The following MMAB variants were observed in gnomAD, a reference collection of about 807,000 sequenced individuals.
MMAB encodes the protein metabolism of cobalamin associated B.
A neutral mutation model predicts 30.6 loss-of-function variants in MMAB; 17 were observed. The observed-to-expected ratio is 0.56, with a 90% CI of 0.38 to 0.83. The LOEUF (loss-of-function observed/expected upper bound fraction) is 0.83. Ranked by LOEUF, MMAB falls within the 40% of genes least tolerant of loss-of-function variation. The pLI is 0.00. For missense variants in MMAB, 311 were observed against 331.6 expected (o/e 0.94, Z 0.48); for synonymous variants, 134 against 138.6 (o/e 0.97, Z 0.23).
chr12:109,567,096 G>A, intron 3 of MMAB: 1 of 449,410 alleles, frequency 2.2e-6, no homozygotes, highest in Non-Finnish European at 4.5e-6. Context: ...CTTGAACCCG[G>A]GAGGCAGAGG....
At chr12:109,571,981 G>A (rs1040971377) in intron 1 of MMAB, among the ~76,000 whole-genome samples, 5 of 152,186 alleles carry the variant, frequency 3.3e-5, no homozygotes. Context: ...ATTTGCTGAA[G>A]GACTTGATTG....
chr12:109,572,553 A>C (rs1884684638), intron 1 of MMAB, among the ~76,000 whole-genome samples: 1 of 151,082 alleles, frequency 6.6e-6, no homozygotes, highest in Admixed American at 6.6e-5. Flanking sequence ...TATCTGGCCT[A>C]TGATTATTTT....
rs1232769657 is a variant in MMAB at position 109,559,134 on chromosome 12, C to T, written c.606G>A (p.Met202Ile). The T allele has an allele frequency of 6.2e-7, 1 of 1,613,880 alleles. No homozygotes were observed. Among genetic ancestry groups the T allele is most frequent in the Admixed American group, 1.7e-5 (1 of 60,022 alleles). Residue 202 changes from methionine (M) to isoleucine (I), a missense_variant, in exon 8 of 9, where the codon ATG becomes ATA. By Grantham distance (10) the Met-to-Ile change is conservative. Coordinates refer to ENST00000545712, the MANE Select transcript of MMAB (RefSeq NM_052845.4). ...TGGCCACGTTCGCATCGGTCTCTCC[C>T]ATCTGGACAAGAGGCACCACACTAG... The part of the protein sequence containing the change: ...AERRVVPLVQ[M>I]GETDANVAKF...
At chr12:109,562,785 A>C (rs1245663211) in intron 4 of MMAB, among the ~76,000 whole-genome samples, 2 of 152,180 alleles carry the variant, frequency 1.3e-5, no homozygotes, top group Non-Finnish European at 2.9e-5. Context: ...TGGCTGGGTG[A>C]GGCCTGTGCT....
intron 4 of MMAB, among the ~76,000 whole-genome samples, chr12:109,564,379 GTTTTTTTTTTTT>G (rs869192707): frequency 7.9e-6 from 1 of 126,756 alleles, no homozygotes; most frequent in Non-Finnish European, 1.7e-5. Context: ...GGAGACAGAG[GTTTTTTTTTTTT>G]TTTTTTTTTA....
intron 4 of MMAB, among the ~76,000 whole-genome samples, chr12:109,564,384 T>G (rs1566134350): frequency 6.6e-6 from 1 of 150,792 alleles, no homozygotes; most frequent in Non-Finnish European, 1.5e-5. Flanking sequence ...CAGAGGTTTT[T>G]TTTTTTTTTT....
intron 3 of MMAB, among the ~76,000 whole-genome samples, chr12:109,566,575 C>G (rs1312899454): frequency 6.6e-6 from 1 of 152,214 alleles, no homozygotes; most frequent in African/African-American, 2.4e-5. Flanking sequence ...CAGGCCCCAC[C>G]CTGGGCACTT....
chr12:109,565,919 C>T (rs946386110), intron 3 of MMAB, among the ~76,000 whole-genome samples: 1 of 152,192 alleles, frequency 6.6e-6, no homozygotes, highest in African/African-American at 2.4e-5. Flanking sequence ...CACTTCCCTC[C>T]TGCACCAGTC....
In MMAB at chr12:109,561,610, C is replaced by T. The variant is rs1884209592; in HGVS notation, c.422-93G>A. Reference sequence around the variant, plus strand: ...CCCCGCCGCCCTTCCACCTGGGTGTCCCGCAGACTGCTTCCACTGGCTCAG... The same window carrying T: ...CCCCGCCGCCCTTCCACCTGGGTGTTCCGCAGACTGCTTCCACTGGCTCAG... On this transcript the variant is annotated intron_variant, in intron 5 of 8. Transcript: ENST00000545712. This position sits in a 1 kb window ranked among gnomAD's most constrained non-coding sequence, Gnocchi z 5.3. The T allele has an allele frequency of 7.9e-7, 1 of 1,268,494 alleles. No individual in the cohort carries two copies. Among genetic ancestry groups the T allele is most frequent in the Non-Finnish European group, 1.1e-6 (1 of 899,130 alleles). 78.6% of individuals were successfully genotyped at this position (1,268,494 alleles called of 1,614,324 possible).
rs746296671 is a variant in MMAB at position 109,554,581 on chromosome 12, T to C, written c.*2447A>G. On this transcript the variant is annotated 3_prime_UTR_variant, in exon 9 of 9. Transcript: ENST00000545712. ...TTCAAAACCCCGTGTTCCCGTGCAA[T>C]GGGACTGATTGTTTCTGAGAGTTGC... is the stretch of plus-strand genomic sequence containing the variant. 6.6e-6 allele frequency: 3 copies of C among 454,128 alleles called. No homozygotes were observed. Among genetic ancestry groups the C allele is most frequent in the East Asian group, 6.9e-5 (1 of 14,398 alleles). 28.1% of individuals were successfully genotyped at this position (454,128 alleles called of 1,614,324 possible).
At chr12:109,560,974 C>CT in intron 7 of MMAB, 66 bp downstream of exon 7, 2 of 522,070 alleles carry the variant, frequency 3.8e-6, no homozygotes. Flanking sequence ...TCTCCCTCTC[C>CT]CTCCCCCCTC....
chr12:109,556,367 C>CA lies in MMAB; in HGVS notation c.*660dup. On this transcript the variant is annotated 3_prime_UTR_variant, in exon 9 of 9. Transcript: ENST00000545712. ...TTCTCATCAGCATCTCCATCCCTTT[C>CA]AGAGGGGGTCCTCTAAGCTGCACCC... 1 of 454,026 alleles carries CA rather than the reference C, an allele frequency of 2.2e-6. No individual in the cohort carries two copies. Among genetic ancestry groups the CA allele is most frequent in the South Asian group, 1.6e-5 (1 of 64,468 alleles). 28.1% of individuals were successfully genotyped at this position (454,026 alleles called of 1,614,324 possible).
Position 109,557,104 on chromosome 12 carries a change from T to C in MMAB, c.677A>G (p.Tyr226Cys). Residue 226 changes from tyrosine (Y) to cysteine (C), a missense_variant, in exon 9 of 9, where the codon TAT becomes TGT. Transcript: ENST00000545712. ...LSDYLFTLARYAAMKEGNQEK... is the reference protein window; with the variant it reads ...LSDYLFTLARCAAMKEGNQEK... ...TTGATTCCCCTCCTTCATGGCTGCA[T>C]ATCTGGCTAGCGTGAAGAGATAGTC... The C allele has an allele frequency of 6.2e-7, 1 of 1,613,782 alleles. No homozygotes were observed. Among genetic ancestry groups the C allele is most frequent in the Non-Finnish European group, 8.5e-7 (1 of 1,179,628 alleles).
intron 7 of MMAB, 91 bp from the exon 8 acceptor site, chr12:109,559,246 TGCCACC>T: frequency 4.2e-6 from 4 of 954,764 alleles, no homozygotes; most frequent in Non-Finnish European, 6.8e-6. Context: ...TTTCACATCC[TGCCACC>T]GCTCAACCTG....
At chr12:109,571,802 C>T in intron 1 of MMAB, 92 bp from the exon 2 acceptor site, 2 of 1,048,070 alleles carry the variant, frequency 1.9e-6, no homozygotes, top group Non-Finnish European at 3.0e-6. Flanking sequence ...CTGCTTGTAA[C>T]CTCAGAGGCA....
chr12:109,573,404 C>T lies in MMAB; in HGVS notation c.77G>A (p.Arg26Lys). The change falls in exon 1 of 9, where the codon AGG (arginine) becomes AAG (lysine). Residue 26 changes from arginine to lysine, a missense_variant. Transcript: ENST00000545712. ...LGLRGCFGAARLLYPRFQSRG... is the reference protein window; with the variant it reads ...LGLRGCFGAAKLLYPRFQSRG... The stretch of plus-strand genomic sequence containing the variant: ...GCTCTGGAAACGGGGATACAGGAGC[C>T]TGGCGGCGCCGAAGCACCCGCGCAG... 1 of 1,611,252 alleles carries T rather than the reference C, an allele frequency of 6.2e-7. No individual in the cohort carries two copies. The highest frequency in any genetic ancestry group is 1.1e-5 in the South Asian group (1 of 90,832).
In MMAB at chr12:109,573,352, C is replaced by G; in HGVS notation, c.129G>C (p.Gly43=). 6.2e-7 allele frequency: 1 copy of G among 1,613,306 alleles called. No individual in the cohort carries two copies. The highest frequency in any genetic ancestry group is 8.5e-7 in the Non-Finnish European group (1 of 1,179,876). Residue 43 remains glycine (G), a synonymous_variant, in exon 1 of 9, where the codon GGG becomes GGC. Coordinates refer to ENST00000545712, the MANE Select transcript of MMAB (RefSeq NM_052845.4). ...QSRGPQGVED[G]DRPQPSSKTP... ...CCTTCCCGCCAGCCACTCACCTGTC[C>G]CCGTCTTCCACGCCCTGAGGGCCGC...
At position 109,557,114 on chromosome 12, in the gene MMAB, G is replaced by T; in HGVS notation, c.667C>A (p.Leu223Ile). 6.2e-7 allele frequency: 1 copy of T among 1,613,208 alleles called. No homozygotes were observed. ...TCCTTCATGGCTGCATATCTGGCTA[G>T]CGTGAAGAGATAGTCACTGAGTCTG... Reference protein sequence around the residue: ...LNRLSDYLFTLARYAAMKEGN... With the variant: ...LNRLSDYLFTIARYAAMKEGN... Residue 223 changes from leucine (L) to isoleucine (I), a missense_variant, in exon 9 of 9, where the codon CTA becomes ATA. Physicochemically the swap from Leu to Ile is conservative, Grantham distance 5. Transcript: ENST00000545712.
chr12:109,565,244 A>C, intron 3 of MMAB, 68 bp from the exon 4 acceptor site: 1 of 1,227,528 alleles, frequency 8.1e-7, no homozygotes, highest in South Asian at 1.2e-5. Flanking sequence ...TGCCATAAAC[A>C]ATAGATTCTC....
Sources: gnomAD v4.1 joint callset for allele counts (sites outside exome capture counted in the v4.1 genomes callset) on GRCh38, gnomAD v4.1.1 for gene constraint, Gnocchi (gnomAD v3.1) non-coding constraint, MANE v1.5 for transcripts, NCBI Gene and HGNC (gene_info 2026-07-23, HGNC 2026-07-21) for gene names.